The following GABRG2 variants were observed in gnomAD, a reference collection of about 807,000 sequenced individuals.
GABRG2 encodes the protein gamma-aminobutyric acid receptor subunit gamma-2.
In GABRG2, 16 loss-of-function variants were observed where a neutral mutation model predicts 56.4. That is an observed-to-expected ratio of 0.28 (90% CI 0.19 to 0.43). GABRG2 has a LOEUF of 0.43. Among genes scored for constraint, GABRG2 ranks in the 20% least tolerant of loss-of-function variants. The pLI, the probability that GABRG2 is intolerant of heterozygous loss-of-function variation, is 1.00. For synonymous variants in GABRG2, 208 were observed against 205.5 expected (o/e 1.01, Z -0.10); for missense variants, 327 against 582.7 (o/e 0.56, Z 4.52).
intron 1 of GABRG2, among the ~76,000 whole-genome samples, chr5:162,092,460 T>G (rs1406086321): frequency 6.6e-6 from 1 of 152,154 alleles, no homozygotes; most frequent in Non-Finnish European, 1.5e-5. Flanking sequence ...TCTTAAGACT[T>G]CATCCTCTAT....
intron 6 of GABRG2, among the ~76,000 whole-genome samples, chr5:162,139,357 A>G (rs1014715034): frequency 6.6e-6 from 1 of 152,190 alleles, no homozygotes; most frequent in East Asian, 1.9e-4. Flanking sequence ...CTTTAGCCCA[A>G]GAGTTTTCAG....
At chr5:162,117,453 A>T (rs555257779) in intron 6 of GABRG2, among the ~76,000 whole-genome samples, 1 of 152,110 alleles carries the variant, frequency 6.6e-6, no homozygotes, top group Non-Finnish European at 1.5e-5. Flanking sequence ...GAAAAAAAAA[A>T]TCCTTAATGT....
Position 162,133,588 on chromosome 5 carries a change from G to A in GABRG2, c.770-8576G>A, listed in dbSNP as rs147211122. Among the ~76,000 whole-genome samples, 638 of 152,218 alleles carry A rather than the reference G, an allele frequency of 4.2e-3. 8 individuals are homozygous for A. The highest frequency in any genetic ancestry group is 0.014 in the African/African-American group (599 of 41,552). On this transcript the variant is annotated intron_variant, in intron 6 of 9. Transcript: ENST00000639213. The stretch of plus-strand genomic sequence containing the variant: ...GCTGTAGTTTTAGATTTCTGAGCTG[G>A]AGTTGTTTTATTTATGTATATCCCA...
chr5:162,110,489 C>T (rs561302992), intron 6 of GABRG2, among the ~76,000 whole-genome samples: 22 of 152,146 alleles, frequency 1.4e-4, no homozygotes, highest in Admixed American at 4.6e-4. Context: ...ACCTTTTAGG[C>T]TGTTTTAATT....
chr5:162,151,906 G>GCTGA, intron 9 of GABRG2, 153 bp downstream of exon 9: 4 of 662,200 alleles, frequency 6.0e-6, no homozygotes, highest in Non-Finnish European at 1.0e-5. Flanking sequence ...TTCTAGAGTT[G>GCTGA]ATTCAGCAAC....
chr5:162,152,457 C>T (rs372673382), intron 9 of GABRG2: 118 of 482,758 alleles, frequency 2.4e-4, no homozygotes, highest in Non-Finnish European at 4.3e-4. Flanking sequence ...TAGTAACCTT[C>T]TTTTCTCAAT....
intron 6 of GABRG2, 41 bp downstream of exon 6, chr5:162,104,067 A>G (rs780766313): frequency 6.2e-7 from 1 of 1,610,938 alleles, no homozygotes; most frequent in African/African-American, 1.3e-5. Flanking sequence ...ACCCTTCCAG[A>G]GTTGAAATTT....
intron 7 of GABRG2, among the ~76,000 whole-genome samples, chr5:162,143,165 T>C (rs1214265264): frequency 6.6e-6 from 1 of 152,200 alleles, no homozygotes; most frequent in Non-Finnish European, 1.5e-5. Flanking sequence ...AAGGAGGAAA[T>C]ATTAACAACA....
chr5:162,117,929 C>A (rs935958709), intron 6 of GABRG2, among the ~76,000 whole-genome samples: 7 of 152,060 alleles, frequency 4.6e-5, no homozygotes, highest in African/African-American at 1.7e-4. Flanking sequence ...TTTTGTTGAG[C>A]ATTTCACATA....
chr5:162,086,336 T>TA (rs1385249771), intron 1 of GABRG2, among the ~76,000 whole-genome samples: 1 of 152,164 alleles, frequency 6.6e-6, no homozygotes, highest in East Asian at 1.9e-4. Context: ...GCCCAACACT[T>TA]ACAAAGTTTT....
At chr5:162,107,974 G>A (rs1761956328) in intron 6 of GABRG2, among the ~76,000 whole-genome samples, 1 of 152,112 alleles carries the variant, frequency 6.6e-6, no homozygotes, top group Non-Finnish European at 1.5e-5. Flanking sequence ...TCCAGTCTAT[G>A]CCTTTCACCT....
At chr5:162,097,180 A>T (rs1039722786) in intron 3 of GABRG2, among the ~76,000 whole-genome samples, 1 of 151,850 alleles carries the variant, frequency 6.6e-6, no homozygotes, top group African/African-American at 2.4e-5. Context: ...CTCTCAGGGG[A>T]TGTTTGACTG....
At chr5:162,067,656 C>A, upstream of GABRG2, 1 of 572,858 alleles carries the variant, frequency 1.7e-6, no homozygotes, top group Non-Finnish European at 3.1e-6. Flanking sequence ...GTGTGAGGGG[C>A]ATGAGTATAC....
At chr5:162,136,952 C>T (rs1027534522) in intron 6 of GABRG2, among the ~76,000 whole-genome samples, 4 of 152,126 alleles carry the variant, frequency 2.6e-5, no homozygotes, top group African/African-American at 9.7e-5. Context: ...TATTTTTTCC[C>T]TCTCTTGACC....
At chr5:162,096,543 C>T (rs1489228981) in intron 3 of GABRG2, among the ~76,000 whole-genome samples, 2 of 152,008 alleles carry the variant, frequency 1.3e-5, no homozygotes, top group Admixed American at 6.6e-5. Flanking sequence ...CAAAGGATTT[C>T]GTAAAACAGG....
chr5:162,108,250 C>A (rs1295202107), intron 6 of GABRG2, among the ~76,000 whole-genome samples: 1 of 152,142 alleles, frequency 6.6e-6, no homozygotes, highest in African/African-American at 2.4e-5. Context: ...GCCCAGTGAG[C>A]TGATATATCC....
chr5:162,155,475 G>T lies in GABRG2; in HGVS notation c.*2107G>T, dbSNP rs1753810099. The T allele has an allele frequency of 1.4e-5, 2 of 144,838 alleles. No homozygotes were observed. The highest frequency in any genetic ancestry group is 6.8e-5 in the Admixed American group (1 of 14,620). 9.0% of individuals were successfully genotyped at this position (144,838 alleles called of 1,614,324 possible). A position where few individuals can be genotyped will look rare whatever the true frequency, so the allele number is the denominator to read the frequency against. The stretch of plus-strand genomic sequence containing the variant: ...TGTATTTGGAAACCTTTTCACAAAG[G>T]GAATTGCCTAACATGTGGACTTTTA... On this transcript the variant is annotated 3_prime_UTR_variant, in exon 10 of 10. Coordinates refer to ENST00000639213, the MANE Select transcript of GABRG2 (RefSeq NM_198904.4).
intron 4 of GABRG2, chr5:162,100,339 A>G (rs1018764157): frequency 6.6e-6 from 1 of 152,170 alleles, no homozygotes; most frequent in Non-Finnish European, 1.5e-5. Context: ...AAATTTTCCT[A>G]AAATAATACT....
Position 162,067,984 on chromosome 5 carries a change from G to GAAA in GABRG2, c.-6_-4dup. The GAAA allele has an allele frequency of 7.9e-7, 1 of 1,263,700 alleles. No individual in the cohort carries two copies. Among genetic ancestry groups the GAAA allele is most frequent in the Admixed American group, 1.9e-5 (1 of 52,320 alleles). 78.3% of individuals were successfully genotyped at this position (1,263,700 alleles called of 1,614,324 possible). Reference sequence around the variant, plus strand: ...ACCAAGAGGCAAGAGGCGAGAGAAGGAAAAAAAAAAAAGCGATGAGTTCGC... The same window carrying GAAA: ...ACCAAGAGGCAAGAGGCGAGAGAAGGAAAAAAAAAAAAAAAGCGATGAGTTCGC... On this transcript the variant is annotated 5_prime_UTR_variant, in exon 1 of 10. Coordinates refer to ENST00000639213, the MANE Select transcript of GABRG2 (RefSeq NM_198904.4).
Sources: allele counts gnomAD v4.1 joint callset (sites outside exome capture counted in the v4.1 genomes callset), GRCh38; gene constraint gnomAD v4.1.1; transcripts MANE v1.5; gene names NCBI Gene and HGNC (gene_info 2026-07-23, HGNC 2026-07-21).